The following CCSER1 variants were observed in gnomAD, a reference collection of about 807,000 sequenced individuals.
CCSER1 encodes coiled-coil serine rich protein 1.
A neutral mutation model predicts 82.0 loss-of-function variants in CCSER1; 41 were observed. The observed-to-expected ratio is 0.50, with a 90% CI of 0.39 to 0.65. The LOEUF (loss-of-function observed/expected upper bound fraction) is 0.65, where lower values mean the gene tolerates loss of function less well. Ranked by LOEUF, CCSER1 falls within the 30% of genes least tolerant of loss-of-function variation. The pLI is 0.00. For synonymous variants in CCSER1, 414 were observed against 383.9 expected (o/e 1.08, Z -0.92); for missense variants, 1,119 against 1,064.2 (o/e 1.05, Z -0.72).
At chr4:91,210,914 C>T (rs1736764386) in intron 10 of CCSER1, among the ~76,000 whole-genome samples, 1 of 151,910 alleles carries the variant, frequency 6.6e-6, no homozygotes, top group Non-Finnish European at 1.5e-5. Context: ...TAGAAATACA[C>T]ACTAAGTATT....
chr4:91,268,344 T>C (rs1741760509), intron 10 of CCSER1, among the ~76,000 whole-genome samples: 1 of 152,218 alleles, frequency 6.6e-6, no homozygotes, highest in Non-Finnish European at 1.5e-5. Flanking sequence ...ATTATTACCC[T>C]TATAGGTTTT....
intron 1 of CCSER1, among the ~76,000 whole-genome samples, chr4:90,273,564 A>G (rs1352044243): frequency 6.6e-6 from 1 of 152,184 alleles, no homozygotes; most frequent in Non-Finnish European, 1.5e-5. Flanking sequence ...TATTTTGTGG[A>G]TGTTAATGAA....
At position 91,485,403 on chromosome 4, in the gene CCSER1, G is replaced by A. The variant is rs151047571; in HGVS notation, c.2218-113169G>A. Among the ~76,000 whole-genome samples the A allele has an allele frequency of 3.9e-3, 592 of 152,148 alleles. 10 individuals carry two copies. Among genetic ancestry groups the A allele is most frequent in the East Asian group, 0.03 (153 of 5,182 alleles). On this transcript the variant is annotated intron_variant, in intron 10 of 10. Coordinates refer to ENST00000509176, the MANE Select transcript of CCSER1 (RefSeq NM_001145065.2). ...TAATATATGTCACCTTTCTTTTGTGGCACAAAGATAATAGAATTATAAGAG... is the reference window on the plus strand; with the variant it reads ...TAATATATGTCACCTTTCTTTTGTGACACAAAGATAATAGAATTATAAGAG...
chr4:90,349,819 CTG>C lies in CCSER1; in HGVS notation c.1509+36775_1509+36776del, dbSNP rs35855192. Among the ~76,000 whole-genome samples the C allele has an allele frequency of 5.6e-3, 854 of 152,180 alleles. 9 individuals carry two copies. Among genetic ancestry groups the C allele is most frequent in the African/African-American group, 0.02 (827 of 41,556 alleles). ...TGTCACGTATAACCACAGGAAACCTCTGTGAGTAACACTCTTCATTCACGTGA... is the reference window on the plus strand; with the variant it reads ...TGTCACGTATAACCACAGGAAACCTCTGAGTAACACTCTTCATTCACGTGA... On this transcript the variant is annotated intron_variant, in intron 3 of 10. Transcript: ENST00000509176.
intron 10 of CCSER1, among the ~76,000 whole-genome samples, chr4:91,440,128 A>G (rs1335051586): frequency 6.6e-6 from 1 of 152,180 alleles, no homozygotes; most frequent in Non-Finnish European, 1.5e-5. Context: ...ATAGACATCT[A>G]CAGAACTCTC....
At chr4:90,984,039 A>G (rs1736364093) in intron 9 of CCSER1, among the ~76,000 whole-genome samples, 1 of 151,798 alleles carries the variant, frequency 6.6e-6, no homozygotes, top group East Asian at 1.9e-4. Flanking sequence ...CCTGGGCACA[A>G]TGCCTTCCTC....
chr4:91,218,351 C>G (rs1462445289), intron 10 of CCSER1, among the ~76,000 whole-genome samples: 1 of 152,198 alleles, frequency 6.6e-6, no homozygotes, highest in East Asian at 1.9e-4. Context: ...CGTGCCTCTC[C>G]CTCCACACCT....
intron 8 of CCSER1, among the ~76,000 whole-genome samples, chr4:90,882,164 G>A (rs951755396): frequency 2.0e-5 from 3 of 151,930 alleles, no homozygotes; most frequent in Non-Finnish European, 4.4e-5. Context: ...CTCTTTCACA[G>A]TCCTTTATTT....
At chr4:90,649,186 A>G (rs143855861) in intron 6 of CCSER1, among the ~76,000 whole-genome samples, 84 of 152,348 alleles carry the variant, frequency 5.5e-4, no homozygotes, top group African/African-American at 1.9e-3. Flanking sequence ...ACATATTAGA[A>G]TAAAGTTTAT....
chr4:90,592,312 A>G (rs1046238222), intron 5 of CCSER1, among the ~76,000 whole-genome samples: 10 of 152,210 alleles, frequency 6.6e-5, no homozygotes, highest in African/African-American at 2.4e-4. Flanking sequence ...ATAATGCTTG[A>G]AAGTTGGATT....
At chr4:90,703,529 G>C (rs570640078) in intron 6 of CCSER1, among the ~76,000 whole-genome samples, 168 of 152,278 alleles carry the variant, frequency 1.1e-3, no homozygotes, top group African/African-American at 4.0e-3. Flanking sequence ...GGATATCCTT[G>C]TTAACTTTCT....
chr4:90,683,443 A>T (rs183133155), intron 6 of CCSER1, among the ~76,000 whole-genome samples: 1 of 152,192 alleles, frequency 6.6e-6, no homozygotes, highest in East Asian at 1.9e-4. Flanking sequence ...AATCTAGTTA[A>T]ATACATAGCA....
At chr4:91,055,642 G>A (rs1743376270) in intron 9 of CCSER1, among the ~76,000 whole-genome samples, 1 of 152,054 alleles carries the variant, frequency 6.6e-6, no homozygotes, top group Admixed American at 6.6e-5. Flanking sequence ...CTTACTTGGA[G>A]TCCATTGAGC....
In CCSER1 at chr4:90,674,117, T is replaced by C. The variant is rs75424709; in HGVS notation, c.1932+45885T>C. Among the ~76,000 whole-genome samples the C allele has an allele frequency of 4.8e-3, 724 of 152,056 alleles. 7 individuals are homozygous for C. The Middle Eastern group carries it at 0.054, about 11-fold the overall frequency. ...AAGGCCTATTTAGCTTTGTAAAGGA[T>C]TTATATATGTTTTAAAGGAGGAGAA... On this transcript the variant is annotated intron_variant, in intron 6 of 10. Transcript: ENST00000509176.
intron 1 of CCSER1, among the ~76,000 whole-genome samples, chr4:90,168,279 A>G (rs565744646): frequency 1.3e-5 from 2 of 152,108 alleles, no homozygotes; most frequent in Non-Finnish European, 2.9e-5. Flanking sequence ...TCTTCTTTTG[A>G]GAAGTGTCTG....
intron 8 of CCSER1, among the ~76,000 whole-genome samples, chr4:90,878,936 AT>A (rs1720785166): frequency 6.6e-6 from 1 of 152,120 alleles, no homozygotes; most frequent in African/African-American, 2.4e-5. Flanking sequence ...TATTATTGGC[AT>A]TTTTTTGAAC....
chr4:91,210,026 C>A (rs369089342), intron 10 of CCSER1, among the ~76,000 whole-genome samples: 1 of 151,564 alleles, frequency 6.6e-6, no homozygotes, highest in Admixed American at 6.6e-5. Context: ...TACTCTAGGG[C>A]TAGGGTAGGG....
intron 1 of CCSER1, among the ~76,000 whole-genome samples, chr4:90,178,988 T>C (rs1449645620): frequency 6.6e-6 from 1 of 152,160 alleles, no homozygotes; most frequent in African/African-American, 2.4e-5. Flanking sequence ...CGCATACATA[T>C]ATGCACAAAA....
In CCSER1 at chr4:91,034,551, C is replaced by T. The variant is rs914596854; in HGVS notation, c.2173-51399C>T. On this transcript the variant is annotated intron_variant, in intron 9 of 10. Coordinates refer to ENST00000509176, the MANE Select transcript of CCSER1 (RefSeq NM_001145065.2). ...AACTAAAAATTTCATACACCCCCCC[C>T]AATTGAAGCACTTTTTACTATTTAT... 2.7e-5 allele frequency among the ~76,000 whole-genome samples: 4 copies of T among 148,978 alleles called. No individual in the cohort carries two copies. In the East Asian group the frequency reaches 8.0e-4, roughly 30 times the overall value.
Sources: gnomAD v4.1 joint callset for allele counts (sites outside exome capture counted in the v4.1 genomes callset) on GRCh38, gnomAD v4.1.1 for gene constraint, MANE v1.5 for transcripts, NCBI Gene and HGNC (gene_info 2026-07-23, HGNC 2026-07-21) for gene names.